The following PPFIA4 variants were observed in gnomAD, a reference collection of about 807,000 sequenced individuals.
The protein encoded by PPFIA4 is liprin-alpha-4.
PPFIA4 carries 98 observed loss-of-function variants against 145.7 expected under a neutral mutation model. The ratio of observed to expected loss-of-function variants is 0.67; its 90% CI spans 0.57 to 0.80. The LOEUF is 0.80. PPFIA4 is among the 30% of genes least tolerant of loss of function. The pLI is 0.00. For synonymous variants in PPFIA4, 628 were observed against 649.6 expected, an observed-to-expected ratio of 0.97 and a Z score of 0.51; for missense variants, 1,457 against 1,632.7, an observed-to-expected ratio of 0.89 and a Z score of 1.85.
rs1359993958 is a variant in PPFIA4 at position 203,078,580 on chromosome 1, G to C, written c.*2190G>C. ...ATTTTTTTTTTGGCGAGTCACCAGT[G>C]ACCCGAGCCCTCCACACCAGCCTCC... On this transcript the variant is annotated 3_prime_UTR_variant, in exon 30 of 30. Coordinates refer to ENST00000295706, the MANE Select transcript of PPFIA4 (RefSeq NM_001304331.2). 6.6e-6 allele frequency: 1 copy of C among 152,110 alleles called. No homozygotes were observed. Among genetic ancestry groups the C allele is most frequent in the Non-Finnish European group, 1.5e-5 (1 of 67,948 alleles). 9.4% of individuals were successfully genotyped at this position (152,110 alleles called of 1,614,324 possible).
At chr1:203,053,986 G>T in intron 15 of PPFIA4, 25 bp downstream of exon 15, 1 of 1,552,192 alleles carries the variant, frequency 6.4e-7, no homozygotes. Flanking sequence ...GGAGGGCTTG[G>T]GAAGTGCATT....
intron 17 of PPFIA4, 37 bp downstream of exon 17, chr1:203,056,192 C>T: frequency 1.9e-6 from 3 of 1,613,602 alleles, no homozygotes; most frequent in Non-Finnish European, 2.5e-6. Context: ...CTAACGGGTT[C>T]ACTGCTCCCA....
At chr1:203,052,840 C>A (rs184536268) in intron 14 of PPFIA4, among the ~76,000 whole-genome samples, 1 of 152,354 alleles carries the variant, frequency 6.6e-6, no homozygotes, top group East Asian at 1.9e-4. Context: ...AAGCTGCCGC[C>A]TCTCAGGGTT....
At chr1:203,061,316 G>C (rs924048209) in intron 23 of PPFIA4, 1 of 551,176 alleles carries the variant, frequency 1.8e-6, no homozygotes, top group East Asian at 3.1e-5. Flanking sequence ...GGAGGGCTTT[G>C]CCCTGCTATG....
At chr1:203,052,754 C>T (rs1195952235) in intron 14 of PPFIA4, among the ~76,000 whole-genome samples, 1 of 152,200 alleles carries the variant, frequency 6.6e-6, no homozygotes, top group African/African-American at 2.4e-5. Context: ...TTCCTTCCTT[C>T]TCTACTCTTC....
rs773478177 is a variant in PPFIA4 at position 203,048,305 on chromosome 1, G to T, written c.1219G>T (p.Ala407Ser). Reference protein sequence around the residue: ...GQLEEKNQELARVRQREKMNE... With the variant: ...GQLEEKNQELSRVRQREKMNE... ...GCTGGAGGAGAAGAACCAGGAGCTG[G>T]CACGGGTGAGGGCACCAGGCCGGGC... The change falls in exon 10 of 30, where the codon GCA (alanine) becomes TCA (serine). Residue 407 changes from alanine to serine, a missense_variant. Coordinates refer to ENST00000295706, the MANE Select transcript of PPFIA4 (RefSeq NM_001304331.2). The surrounding 1 kb of genome is among the most constrained non-coding windows in gnomAD (Gnocchi z 5.8). The T allele has an allele frequency of 1.9e-6, 3 of 1,612,450 alleles. No homozygotes were observed. The South Asian group carries it at 3.3e-5, about 18-fold the overall frequency.
intron 9 of PPFIA4, among the ~76,000 whole-genome samples, chr1:203,047,659 T>C (rs1381430574): frequency 6.6e-6 from 1 of 152,194 alleles, no homozygotes; most frequent in East Asian, 1.9e-4. Flanking sequence ...CTAACATTTG[T>C]TGAGTGCTTA....
At position 203,038,747 on chromosome 1, in the gene PPFIA4, G is replaced by T. The variant is rs1659479751; in HGVS notation, c.-262G>T. 6.3e-6 allele frequency: 2 copies of T among 318,910 alleles called. No homozygotes were observed. The highest frequency in any genetic ancestry group is 4.8e-5 in the South Asian group (1 of 20,792). 19.8% of individuals were successfully genotyped at this position (318,910 alleles called of 1,614,324 possible). A position where few individuals can be genotyped will look rare whatever the true frequency, so the allele number is the denominator to read the frequency against. On this transcript the variant is annotated 5_prime_UTR_variant, in exon 2 of 30. Coordinates refer to ENST00000295706, the MANE Select transcript of PPFIA4 (RefSeq NM_001304331.2). ...TCATGGCCACATTCGGCTGCTGTCT[G>T]CATGTCTGGGGACACAGGGCACCCA...
rs202005106 is a variant in PPFIA4 at position 203,060,290 on chromosome 1, C to T, written c.2657C>T (p.Ala886Val). The change falls in exon 22 of 30, where the codon GCT becomes GTT. Residue 886 changes from alanine (A) to valine (V), a missense_variant. Ala to Val is a moderately conservative substitution (Grantham distance 64, BLOSUM62 0). Around this residue, in one of 3 missense-constraint regions of PPFIA4, gnomAD observed 848 missense variants for 1,046.7 expected, o/e 0.81. Transcript: ENST00000295706. This position sits in a 1 kb window ranked among gnomAD's most constrained non-coding sequence, Gnocchi z 4.8. ...ANVKSGAIMS[A>V]LSDTEIQREI... ...GTCAAGAGTGGTGCCATCATGTCCG[C>T]TCTGTCGGACACAGAGATCCAGCGG... The T allele has an allele frequency of 6.4e-5, 104 of 1,614,008 alleles. 1 individual carries two copies. Among genetic ancestry groups the T allele is most frequent in the Non-Finnish European group, 5.7e-5 (67 of 1,179,984 alleles).
At chr1:203,061,917 C>T (rs1370791415) in intron 24 of PPFIA4, among the ~76,000 whole-genome samples, 2 of 152,192 alleles carry the variant, frequency 1.3e-5, no homozygotes, top group Non-Finnish European at 2.9e-5. Flanking sequence ...ATTCCTGGCC[C>T]TTCTCCTCAG....
In PPFIA4 at chr1:203,039,176, C is replaced by T. The variant is rs750215955; in HGVS notation, c.168C>T (p.Ser56=). Residue 56 remains serine (S), a synonymous_variant, in exon 2 of 30, where the codon AGC becomes AGT. Transcript: ENST00000295706. ...ESQETLAATQ[S]RLQDAIHERD... is the part of the protein sequence containing the mutation. ...AGGAGACCTTGGCGGCCACACAGAGCCGGCTCCAGGATGCCATACACGAGC... is the reference window on the plus strand; with the variant it reads ...AGGAGACCTTGGCGGCCACACAGAGTCGGCTCCAGGATGCCATACACGAGC... 795 of 1,607,304 alleles carry T rather than the reference C, an allele frequency of 4.9e-4. 1 individual carries two copies. Among genetic ancestry groups the T allele is most frequent in the Non-Finnish European group, 5.9e-4 (699 of 1,177,402 alleles).
At position 203,048,264 on chromosome 1, in the gene PPFIA4, G is replaced by A. The variant is rs768923764; in HGVS notation, c.1178G>A (p.Arg393Gln). ...CATGGCAACATTGAGGAGCACCTGCGGCAGCTGGAGGGACAGCTGGAGGAG... is the reference window on the plus strand; with the variant it reads ...CATGGCAACATTGAGGAGCACCTGCAGCAGCTGGAGGGACAGCTGGAGGAG... Reference protein sequence around the residue: ...ERHGNIEEHLRQLEGQLEEKN... With the variant: ...ERHGNIEEHLQQLEGQLEEKN... Residue 393 changes from arginine to glutamine, a missense_variant, in exon 10 of 30, where the codon CGG becomes CAG. Coordinates refer to ENST00000295706, the MANE Select transcript of PPFIA4 (RefSeq NM_001304331.2). This position sits in a 1 kb window ranked among gnomAD's most constrained non-coding sequence, Gnocchi z 5.8. The A allele has an allele frequency of 3.2e-5, 51 of 1,612,728 alleles. No individual in the cohort carries two copies. Among genetic ancestry groups the A allele is most frequent in the South Asian group, 3.0e-4 (27 of 91,074 alleles).
rs1332955404 is a variant in PPFIA4 at position 203,039,586 on chromosome 1, CACAG to C, written c.234+349_234+352del. 9.2e-5 allele frequency among the ~76,000 whole-genome samples: 14 copies of C among 152,300 alleles called. No homozygotes were observed. In the South Asian group the frequency reaches 2.5e-3, roughly 27 times the overall value. On this transcript the variant is annotated intron_variant, in intron 2 of 29. Transcript: ENST00000295706. ...CTATTCTTGGAGGTGGGTGGGGAATCACAGACAGTAGAGATGGGTGAGTTCTTAG... is the reference window on the plus strand; with the variant it reads ...CTATTCTTGGAGGTGGGTGGGGAATCACAGTAGAGATGGGTGAGTTCTTAG...
intron 1 of PPFIA4, among the ~76,000 whole-genome samples, chr1:203,029,126 G>A (rs1468365934): frequency 6.6e-6 from 1 of 152,172 alleles, no homozygotes; most frequent in Admixed American, 6.5e-5. Flanking sequence ...GGAGACTCCA[G>A]GGCTGGTCTG....
At position 203,077,559 on chromosome 1, in the gene PPFIA4, A is replaced by G. The variant is rs967235588; in HGVS notation, c.*1169A>G. 3.3e-5 allele frequency: 5 copies of G among 152,304 alleles called. No homozygotes were observed. In the East Asian group the frequency reaches 9.7e-4, roughly 29 times the overall value. The allele number at this position is 152,304 out of a possible 1,614,324, so 9.4% of individuals were successfully genotyped here. A position where few individuals can be genotyped will look rare whatever the true frequency, so the allele number is the denominator to read the frequency against. On this transcript the variant is annotated 3_prime_UTR_variant, in exon 30 of 30. Transcript: ENST00000295706. ...CAGGAAATCCAATGTTGGTGAAGGC[A>G]GCCACTCTCTTGCTTGTCCCCAAAT...
At position 203,053,883 on chromosome 1, in the gene PPFIA4, C is replaced by A; in HGVS notation, c.1751C>A (p.Ser584Tyr). The A allele has an allele frequency of 6.4e-7, 1 of 1,561,976 alleles. No individual in the cohort carries two copies. Among genetic ancestry groups the A allele is most frequent in the Non-Finnish European group, 8.7e-7 (1 of 1,152,630 alleles). Reference sequence around the variant, plus strand: ...CTGGTGGGCTCTGCGGATGTTGTCTCCCCCAGCGGCCACTCAGATGCCCAG... The same window carrying A: ...CTGGTGGGCTCTGCGGATGTTGTCTACCCCAGCGGCCACTCAGATGCCCAG... ...GGLVGSADVVSPSGHSDAQTL... is the reference protein window; with the variant it reads ...GGLVGSADVVYPSGHSDAQTL... Residue 584 changes from serine to tyrosine, a missense_variant, in exon 15 of 30, where the codon TCC (serine) becomes TAC (tyrosine). Around this residue, in one of 3 missense-constraint regions of PPFIA4, gnomAD observed 848 missense variants for 1,046.7 expected, o/e 0.81. Transcript: ENST00000295706.
At position 203,075,849 on chromosome 1, in the gene PPFIA4, A is replaced by G; in HGVS notation, c.3574+92A>G. On this transcript the variant is annotated intron_variant, in intron 29 of 29. Coordinates refer to ENST00000295706, the MANE Select transcript of PPFIA4 (RefSeq NM_001304331.2). The surrounding 1 kb of genome is among the most constrained non-coding windows in gnomAD (Gnocchi z 4.1). ...GGGCCGGGCCGGGTGGAGAGGGGCG[A>G]GGCCGAGGCTGGTGCCCCGCGCTCC... is the stretch of plus-strand genomic sequence containing the variant. The G allele has an allele frequency of 8.0e-7, 1 of 1,243,564 alleles. No individual in the cohort carries two copies. Among genetic ancestry groups the G allele is most frequent in the East Asian group, 3.1e-5 (1 of 31,758 alleles). The allele number at this position is 1,243,564 out of a possible 1,614,324, so 77.0% of individuals were successfully genotyped here.
At chr1:203,054,799 C>T (rs533775431) in intron 15 of PPFIA4, among the ~76,000 whole-genome samples, 7 of 152,084 alleles carry the variant, frequency 4.6e-5, no homozygotes, top group Non-Finnish European at 7.4e-5. Flanking sequence ...TATCTATTAT[C>T]GCAATCATTT....
In PPFIA4 at chr1:203,048,337, G is replaced by T. The variant is rs1265660111; in HGVS notation, c.1224+27G>T. On this transcript the variant is annotated intron_variant, in intron 10 of 29. Coordinates refer to ENST00000295706, the MANE Select transcript of PPFIA4 (RefSeq NM_001304331.2). The surrounding 1 kb of genome is among the most constrained non-coding windows in gnomAD (Gnocchi z 5.8). ...TGAGGGCACCAGGCCGGGCCCTCAG[G>T]CCCCCTCCTTCCCGCAGGACAGGCT... 15 of 1,605,840 alleles carry T rather than the reference G, an allele frequency of 9.3e-6. No individual in the cohort carries two copies. Among genetic ancestry groups the T allele is most frequent in the Non-Finnish European group, 1.3e-5 (15 of 1,176,326 alleles).
Sources: gnomAD v4.1 joint callset for allele counts (sites outside exome capture counted in the v4.1 genomes callset) on GRCh38, gnomAD v4.1.1 for gene constraint, gnomAD v4.1.1 regional missense constraint, Gnocchi (gnomAD v3.1) non-coding constraint, MANE v1.5 for transcripts, NCBI Gene and HGNC (gene_info 2026-07-23, HGNC 2026-07-21) for gene names.